Variants in VPS13C observed in about 807,000 individuals in gnomAD.
VPS13C encodes vacuolar protein sorting 13 homolog C.
VPS13C carries 358 observed loss-of-function variants against 456.8 expected under a neutral mutation model. The observed-to-expected ratio is 0.78, with a 90% CI of 0.72 to 0.86. VPS13C has a LOEUF of 0.86. Ranked by LOEUF, VPS13C falls within the 40% of genes least tolerant of loss-of-function variation. The pLI, the probability that VPS13C is intolerant of heterozygous loss-of-function variation, is 0.00. For missense variants in VPS13C, 4,818 were observed against 4,385.4 expected, an observed-to-expected ratio of 1.10 and a Z score of -2.79; for synonymous variants, 1,578 against 1,486.7, an observed-to-expected ratio of 1.06 and a Z score of -1.41.
In VPS13C at chr15:61,857,596, A is replaced by G. The variant is rs183504469; in HGVS notation, c.10953-1187T>C. On this transcript the variant is annotated intron_variant, in intron 82 of 84. Transcript: ENST00000644861. The stretch of plus-strand genomic sequence containing the variant: ...TGTTTCACTTTTAATGAAACAGGAA[A>G]TGACGTGATAATGTTCTTTCACTTT... 9.8e-5 allele frequency among the ~76,000 whole-genome samples: 15 copies of G among 152,298 alleles called. No homozygotes were observed. In the East Asian group the frequency reaches 2.5e-3, roughly 25 times the overall value.
chr15:61,882,486 CAAAG>C, intron 69 of VPS13C, 106 bp downstream of exon 69: 1 of 1,092,012 alleles, frequency 9.2e-7, no homozygotes, highest in Admixed American at 4.0e-5. Flanking sequence ...AACATACAAA[CAAAG>C]AAAAGATACC....
At position 61,967,458 on chromosome 15, in the gene VPS13C, GA is replaced by G; in HGVS notation, c.2912-12del. The G allele has an allele frequency of 6.4e-7, 1 of 1,559,532 alleles. No individual in the cohort carries two copies. Among genetic ancestry groups the G allele is most frequent in the Non-Finnish European group, 8.7e-7 (1 of 1,153,640 alleles). ...GCTTCCTTTTGGATCCTAGATTAAAGAAAAAGGAAAAAAAAGTGTTTCAAAT... is the reference window on the plus strand; with the variant it reads ...GCTTCCTTTTGGATCCTAGATTAAAGAAAAGGAAAAAAAAGTGTTTCAAAT... On this transcript the variant is annotated splice_polypyrimidine_tract_variant and intron_variant, in intron 28 of 84. Coordinates refer to ENST00000644861, the MANE Select transcript of VPS13C (RefSeq NM_020821.3).
chr15:61,889,673 T>C (rs2140067714), intron 67 of VPS13C, among the ~76,000 whole-genome samples: 1 of 152,280 alleles, frequency 6.6e-6, no homozygotes, highest in Admixed American at 6.5e-5. Context: ...CCATTAAAGA[T>C]TATGTACTCA....
intron 1 of VPS13C, among the ~76,000 whole-genome samples, chr15:62,058,007 T>C (rs1199073214): frequency 6.6e-6 from 1 of 152,216 alleles, no homozygotes; most frequent in Non-Finnish European, 1.5e-5. Context: ...AAAGTAAATA[T>C]GGCATAATAT....
intron 24 of VPS13C, among the ~76,000 whole-genome samples, chr15:61,975,353 T>C (rs2045673857): frequency 6.6e-6 from 1 of 151,650 alleles, no homozygotes; most frequent in Non-Finnish European, 1.5e-5. Flanking sequence ...TCCCAGAAGA[T>C]CAACAAAATT....
Position 61,874,944 on chromosome 15 carries a change from A to ACAG in VPS13C, c.10343_10345dup (p.Ala3448dup). 2 of 1,554,726 alleles carry ACAG rather than the reference A, an allele frequency of 1.3e-6. No individual in the cohort carries two copies. Among genetic ancestry groups the ACAG allele is most frequent in the Non-Finnish European group, 1.7e-6 (2 of 1,158,508 alleles). On this transcript the variant is annotated inframe_insertion, in exon 77 of 85. Coordinates refer to ENST00000644861, the MANE Select transcript of VPS13C (RefSeq NM_020821.3). ...CTCTGCAAATTCTTCAGGGCCTTGA[A>ACAG]CAGCACCCTGGCAAAAAAAAATAAA... is the stretch of plus-strand genomic sequence containing the variant.
chr15:61,902,064 C>A (rs75762752), intron 66 of VPS13C, among the ~76,000 whole-genome samples: 11,959 of 137,444 alleles, frequency 0.087, 555 homozygotes, highest in African/African-American at 0.12. Context: ...CTGAACAATG[C>A]GATCACATGG....
At chr15:62,049,609 C>T (rs1215075950) in intron 1 of VPS13C, among the ~76,000 whole-genome samples, 1 of 152,144 alleles carries the variant, frequency 6.6e-6, no homozygotes, top group African/African-American at 2.4e-5. Flanking sequence ...TCCATATGAA[C>T]TTTAAAGTAG....
chr15:62,044,073 C>T (rs2048326684), intron 2 of VPS13C, 139 bp downstream of exon 2: 1 of 537,870 alleles, frequency 1.9e-6, no homozygotes, highest in Non-Finnish European at 3.2e-6. Flanking sequence ...GATTTTCCAA[C>T]AGCAAATAGT....
At chr15:61,868,867 A>G in intron 80 of VPS13C, 94 bp from the exon 81 acceptor site, 1 of 1,028,502 alleles carries the variant, frequency 9.7e-7, no homozygotes, top group Non-Finnish European at 1.4e-6. Context: ...TTCACAAAAA[A>G]CAATCAGTAA....
rs1162072724 is a variant in VPS13C at position 61,878,716 on chromosome 15, C to T, written c.10033G>A (p.Gly3345Ser). 2 of 1,609,094 alleles carry T rather than the reference C, an allele frequency of 1.2e-6. No homozygotes were observed. Among genetic ancestry groups the T allele is most frequent in the Non-Finnish European group, 1.7e-6 (2 of 1,177,992 alleles). Residue 3345 changes from glycine (G) to serine (S), a missense_variant, in exon 74 of 85, where the codon GGT becomes AGT. Physicochemically the swap from Gly to Ser is moderately conservative, Grantham distance 56 (BLOSUM62 0). This residue lies in a region of VPS13C where 4,552 missense variants were observed against 4,130.6 expected (regional missense o/e 1.10). Coordinates refer to ENST00000644861, the MANE Select transcript of VPS13C (RefSeq NM_020821.3). ...TGTTTTTCTTTGTCTGATTCTTCAC[C>T]TCCGGAACCCAAAGACAAACTCAAA... is the stretch of plus-strand genomic sequence containing the variant. ...LHLSLSLGSG[G>S]EESDKEKQEM...
chr15:61,943,671 T>C (rs1410038603), intron 45 of VPS13C, among the ~76,000 whole-genome samples: 3 of 151,952 alleles, frequency 2.0e-5, no homozygotes, highest in African/African-American at 7.3e-5. Context: ...GTGTAAGACC[T>C]CAAACTATAA....
chr15:62,020,573 T>G (rs755083790), intron 8 of VPS13C, 35 bp from the exon 9 acceptor site: 1 of 1,603,182 alleles, frequency 6.2e-7, no homozygotes, highest in African/African-American at 1.3e-5. Flanking sequence ...TAAAATATGC[T>G]GATGGTGAAG....
At position 61,917,452 on chromosome 15, in the gene VPS13C, C is replaced by T. The variant is rs1364609877; in HGVS notation, c.7944G>A (p.Leu2648=). The T allele has an allele frequency of 6.2e-7, 1 of 1,613,978 alleles. No individual in the cohort carries two copies. The highest frequency in any genetic ancestry group is 8.5e-7 in the Non-Finnish European group (1 of 1,179,906). Reference sequence around the variant, plus strand: ...CTTCCCCATGTGTACATATGTAGCTCAATTCATCAGGCAGAGCAACTGTAT... The same window carrying T: ...CTTCCCCATGTGTACATATGTAGCTTAATTCATCAGGCAGAGCAACTGTAT... ...IVNTVALPDE[L]SYICTHGEDW... is the part of the protein sequence containing the mutation. The change falls in exon 60 of 85, where the codon TTG becomes TTA. Residue 2648 remains leucine (L), a synonymous_variant. Coordinates refer to ENST00000644861, the MANE Select transcript of VPS13C (RefSeq NM_020821.3).
At chr15:61,999,813 G>C (rs565830355) in intron 16 of VPS13C, among the ~76,000 whole-genome samples, 139 of 146,836 alleles carry the variant, frequency 9.5e-4, no homozygotes, top group African/African-American at 3.4e-3. Context: ...AAGGAAGAAA[G>C]TGAAGGAAAG....
At position 62,013,966 on chromosome 15, in the gene VPS13C, G is replaced by A; in HGVS notation, c.711C>T (p.Cys237=). ...LLTANEHWTP[C]ILNEADKIIY... ...TAATTTTGTCTGCTTCATTTAATAT[G>A]CATGGAGTCCAGTGTTCATTTGCAG... Residue 237 remains cysteine, a synonymous_variant, in exon 10 of 85, where the codon TGC becomes TGT. Transcript: ENST00000644861. 3 of 1,610,270 alleles carry A rather than the reference G, an allele frequency of 1.9e-6. No individual in the cohort carries two copies. Among genetic ancestry groups the A allele is most frequent in the Non-Finnish European group, 2.5e-6 (3 of 1,177,864 alleles).
chr15:61,867,541 C>T lies in VPS13C; in HGVS notation c.10863+1118G>A. On this transcript the variant is annotated intron_variant, in intron 81 of 84. Coordinates refer to ENST00000644861, the MANE Select transcript of VPS13C (RefSeq NM_020821.3). The surrounding 1 kb of genome is among the most constrained non-coding windows in gnomAD (Gnocchi z 5.0). ...CATCATCAAGACTCACAAACATAAA[C>T]ATATTAATTGGACATAATAATTGTC... 1 of 1,003,556 alleles carries T rather than the reference C, an allele frequency of 1.0e-6. No individual in the cohort carries two copies. The highest frequency in any genetic ancestry group is 1.2e-6 in the Non-Finnish European group (1 of 842,714). 62.2% of individuals were successfully genotyped at this position (1,003,556 alleles called of 1,614,324 possible). A position where few individuals can be genotyped will look rare whatever the true frequency, so the allele number is the denominator to read the frequency against.
intron 53 of VPS13C, 26 bp from the exon 54 acceptor site, chr15:61,922,788 T>C (rs1472703297): frequency 6.6e-7 from 1 of 1,522,256 alleles, no homozygotes; most frequent in Non-Finnish European, 8.8e-7. Context: ...CAGAAAAATA[T>C]TTATAATAAA....
intron 61 of VPS13C, 100 bp from the exon 62 acceptor site, chr15:61,913,515 C>A: frequency 1.0e-6 from 1 of 952,782 alleles, no homozygotes; most frequent in South Asian, 1.6e-5. Context: ...TCTTTAGTAC[C>A]GTGGGACACA....
Sources: gnomAD v4.1 joint callset for allele counts (sites outside exome capture counted in the v4.1 genomes callset) on GRCh38, gnomAD v4.1.1 for gene constraint, gnomAD v4.1.1 regional missense constraint, Gnocchi (gnomAD v3.1) non-coding constraint, MANE v1.5 for transcripts, NCBI Gene and HGNC (gene_info 2026-07-23, HGNC 2026-07-21) for gene names.